The following IL1RL1 variants were observed in gnomAD, a reference collection of about 807,000 sequenced individuals.
IL1RL1 encodes interleukin 1 receptor like 1, also known as interleukin-1 receptor-like 1.
In IL1RL1, 32 loss-of-function variants were observed where a neutral mutation model predicts 50.9. That is an observed-to-expected ratio of 0.63 (90% confidence interval 0.47 to 0.84). IL1RL1 has a LOEUF of 0.84. IL1RL1 is among the 40% of genes least tolerant of loss of function. IL1RL1 has a pLI of 0.00. For missense variants in IL1RL1, 773 were observed against 662.9 expected (o/e 1.17, Z -1.82); for synonymous variants, 275 against 236.0 (o/e 1.17, Z -1.51).
At chr2:102,328,591 G>A (rs879513296) in intron 1 of IL1RL1, among the ~76,000 whole-genome samples, 2 of 152,246 alleles carry the variant, frequency 1.3e-5, no homozygotes, top group East Asian at 1.9e-4. Flanking sequence ...TGACATGATT[G>A]TATATCTAGA....
rs1677595146 is a variant in IL1RL1 at position 102,342,210 on chromosome 2, TTTTGTC to T, written c.611-9_611-4del. Reference sequence around the variant, plus strand: ...ATGCTCTCCTAATATTTATATTTCTTTTTGTCTTTAAGATGAGCAAGGCTTTTCTCT... The same window carrying T: ...ATGCTCTCCTAATATTTATATTTCTTTTTAAGATGAGCAAGGCTTTTCTCT... On this transcript the variant is annotated splice_polypyrimidine_tract_variant and splice_region_variant and intron_variant, in intron 5 of 10. Transcript: ENST00000233954. 6.3e-7 allele frequency: 1 copy of T among 1,583,570 alleles called. No individual in the cohort carries two copies. The highest frequency in any genetic ancestry group is 1.3e-5 in the African/African-American group (1 of 74,166).
chr2:102,352,023 A>T lies in IL1RL1; in HGVS notation c.*102A>T. ...GAAGTGTGAGGAGCAGGAATATTAA[A>T]GGGATTCAGGCCTCAGGTTTCATCT... On this transcript the variant is annotated 3_prime_UTR_variant, in exon 11 of 11. Coordinates refer to ENST00000233954, the MANE Select transcript of IL1RL1 (RefSeq NM_016232.5). 8.5e-6 allele frequency: 10 copies of T among 1,172,422 alleles called. No homozygotes were observed. The highest frequency in any genetic ancestry group is 1.1e-5 in the Non-Finnish European group (9 of 833,518). 72.6% of individuals were successfully genotyped at this position (1,172,422 alleles called of 1,614,324 possible).
intron 1 of IL1RL1, among the ~76,000 whole-genome samples, chr2:102,330,387 C>G (rs1481049473): frequency 6.6e-6 from 1 of 151,922 alleles, no homozygotes; most frequent in Non-Finnish European, 1.5e-5. Context: ...TATACCTAAT[C>G]CTAAATGACA....
chr2:102,327,811 C>A (rs1379287728), intron 1 of IL1RL1, among the ~76,000 whole-genome samples: 1 of 152,004 alleles, frequency 6.6e-6, no homozygotes, highest in Non-Finnish European at 1.5e-5. Flanking sequence ...CCAGGAAGAA[C>A]TTGAATCTCT....
intron 1 of IL1RL1, among the ~76,000 whole-genome samples, chr2:102,319,280 C>T (rs945243952): frequency 5.3e-5 from 8 of 152,096 alleles, no homozygotes; most frequent in African/African-American, 1.9e-4. Context: ...TATCTCCCTC[C>T]CCTTTGCTAG....
At chr2:102,323,840 A>T (rs1676911436) in intron 1 of IL1RL1, among the ~76,000 whole-genome samples, 1 of 152,166 alleles carries the variant, frequency 6.6e-6, no homozygotes, top group Non-Finnish European at 1.5e-5. Context: ...GACATATTCC[A>T]CAAATCTCTC....
At chr2:102,336,292 T>C (rs1677323813) in intron 1 of IL1RL1, among the ~76,000 whole-genome samples, 1 of 152,200 alleles carries the variant, frequency 6.6e-6, no homozygotes, top group Non-Finnish European at 1.5e-5. Context: ...TGTGCCTCAG[T>C]GTCCTTGTCT....
At chr2:102,345,450 T>C (rs974988676) in intron 8 of IL1RL1, 2 of 985,206 alleles carry the variant, frequency 2.0e-6, no homozygotes, top group Non-Finnish European at 2.4e-6. Context: ...TACAATCATG[T>C]AGAAATTGTT....
chr2:102,317,316 C>T (rs938894744), intron 1 of IL1RL1, among the ~76,000 whole-genome samples: 16 of 151,938 alleles, frequency 1.1e-4, no homozygotes, highest in Middle Eastern at 3.4e-3. Flanking sequence ...ATGGCGCCAC[C>T]GCACTCCAGC....
Position 102,334,542 on chromosome 2 carries a change from T to TA in IL1RL1, c.-149-3567dup, listed in dbSNP as rs1330031653. On this transcript the variant is annotated intron_variant, in intron 1 of 10. Transcript: ENST00000233954. ...AAACATTTTCATCAATAAAAAAAAA[T>TA]AAAAAAACAGAATAAAAATGATACC... Among the ~76,000 whole-genome samples, 8 of 150,938 alleles carry TA rather than the reference T, an allele frequency of 5.3e-5. No individual in the cohort carries two copies. In the South Asian group the frequency reaches 6.3e-4, roughly 12 times the overall value.
chr2:102,334,047 A>G (rs767366901), intron 1 of IL1RL1, among the ~76,000 whole-genome samples: 4 of 152,148 alleles, frequency 2.6e-5, no homozygotes, highest in Non-Finnish European at 5.9e-5. Context: ...TGAACATACT[A>G]GTAGAGGTGG....
intron 1 of IL1RL1, among the ~76,000 whole-genome samples, chr2:102,316,016 A>G (rs970098061): frequency 6.6e-6 from 1 of 152,072 alleles, no homozygotes; most frequent in African/African-American, 2.4e-5. Flanking sequence ...TCCTCCCCTT[A>G]TCTCAGTCTG....
At chr2:102,311,972 T>TA (rs573342856) in intron 1 of IL1RL1, among the ~76,000 whole-genome samples, 3 of 17,902 alleles carry the variant, frequency 1.7e-4, no homozygotes, top group African/African-American at 2.5e-4. Flanking sequence ...ATATATAATA[T>TA]TATATATAAT....
chr2:102,326,573 T>C (rs2104969876), intron 1 of IL1RL1, among the ~76,000 whole-genome samples: 1 of 151,770 alleles, frequency 6.6e-6, no homozygotes, highest in Non-Finnish European at 1.5e-5. Flanking sequence ...GGATAAAGAG[T>C]CAAGACCCAT....
chr2:102,323,737 G>A (rs1676909262), intron 1 of IL1RL1, among the ~76,000 whole-genome samples: 1 of 152,126 alleles, frequency 6.6e-6, no homozygotes, highest in African/African-American at 2.4e-5. Flanking sequence ...TCCCCCTTAA[G>A]CCCCACCTTC....
chr2:102,317,809 A>T (rs1170599056), intron 1 of IL1RL1, among the ~76,000 whole-genome samples: 1 of 152,084 alleles, frequency 6.6e-6, no homozygotes, highest in East Asian at 1.9e-4. Flanking sequence ...GCACAGGGTT[A>T]GTTGGTCAAA....
intron 1 of IL1RL1, among the ~76,000 whole-genome samples, chr2:102,315,950 G>T (rs1335628132): frequency 2.0e-5 from 3 of 152,252 alleles, no homozygotes; most frequent in Middle Eastern, 3.4e-3. Flanking sequence ...ATGTAAACAT[G>T]GATCCTTTAG....
intron 1 of IL1RL1, among the ~76,000 whole-genome samples, chr2:102,328,673 A>G (rs1457670187): frequency 6.6e-6 from 1 of 152,224 alleles, no homozygotes; most frequent in East Asian, 1.9e-4. Context: ...ACGTGCAAAA[A>G]TCGCAAGCAT....
At chr2:102,324,083 C>T (rs540880137) in intron 1 of IL1RL1, among the ~76,000 whole-genome samples, 28 of 148,682 alleles carry the variant, frequency 1.9e-4, no homozygotes, top group South Asian at 8.5e-4. Context: ...TATGTGCTGA[C>T]GGTCATTGGT....
Sources: gnomAD v4.1 joint callset for allele counts (sites outside exome capture counted in the v4.1 genomes callset) on GRCh38, gnomAD v4.1.1 for gene constraint, MANE v1.5 for transcripts, NCBI Gene and HGNC (gene_info 2026-07-23, HGNC 2026-07-21) for gene names.